NBAS: variants seen among roughly 807,000 people sequenced by gnomAD.
NBAS encodes NBAS subunit of NRZ tethering complex.
In NBAS, 219 loss-of-function variants were observed where a neutral mutation model predicts 302.5. The ratio of observed to expected loss-of-function variants is 0.72; its 90% CI spans 0.65 to 0.81. The LOEUF (loss-of-function observed/expected upper bound fraction) is 0.81, where lower values mean the gene tolerates loss of function less well. Among genes scored for constraint, NBAS ranks in the 30% least tolerant of loss-of-function variants. The probability of loss-of-function intolerance (pLI) is 0.00; values close to 1 mark genes in which losing one functional copy is unlikely to be tolerated. For missense variants in NBAS, 2,932 were observed against 2,841.6 expected (o/e 1.03, Z -0.72); for synonymous variants, 1,118 against 1,021.6 (o/e 1.09, Z -1.80).
intron 29 of NBAS, among the ~76,000 whole-genome samples, chr2:15,381,942 T>C (rs554894445): frequency 6.6e-6 from 1 of 152,318 alleles, no homozygotes; most frequent in African/African-American, 2.4e-5. Flanking sequence ...TCTGATTTCA[T>C]CAATGGGTTA....
At chr2:15,031,658 C>G in the NBAS span, among the ~76,000 whole-genome samples, 2 of 152,230 alleles carry the variant, frequency 1.3e-5, no homozygotes, top group Non-Finnish European at 2.9e-5. Context: ...ATGAAGAGAG[C>G]TTTTCCCCCA....
At chr2:15,204,488 T>C (rs1209311119) in intron 48 of NBAS, among the ~76,000 whole-genome samples, 2 of 152,270 alleles carry the variant, frequency 1.3e-5, no homozygotes, top group Admixed American at 1.3e-4. Context: ...GAATAAACTC[T>C]GTGAGACTGG....
chr2:14,822,993 C>T, the NBAS span, among the ~76,000 whole-genome samples: 2 of 152,310 alleles, frequency 1.3e-5, no homozygotes, highest in African/African-American at 2.4e-5. Flanking sequence ...GGTTTGAACC[C>T]AAAGTCTGGT....
At chr2:15,250,262 G>A (rs929982631) in intron 44 of NBAS, among the ~76,000 whole-genome samples, 9 of 152,202 alleles carry the variant, frequency 5.9e-5, no homozygotes, top group African/African-American at 4.8e-5. Flanking sequence ...CTAGGCATAT[G>A]CAGAAAGCTG....
At chr2:14,975,665 T>C in the NBAS span, among the ~76,000 whole-genome samples, 29 of 152,290 alleles carry the variant, frequency 1.9e-4, no homozygotes, top group African/African-American at 6.7e-4. Flanking sequence ...CTGAATATCA[T>C]GGGCCAGCTC....
chr2:14,795,502 C>T, the NBAS span, among the ~76,000 whole-genome samples: 2 of 146,144 alleles, frequency 1.4e-5, no homozygotes, highest in African/African-American at 2.8e-5. Context: ...GGATACAAGC[C>T]CTTTATCAGA....
intron 28 of NBAS, among the ~76,000 whole-genome samples, chr2:15,391,142 T>C (rs1675578262): frequency 6.6e-6 from 1 of 151,874 alleles, no homozygotes; most frequent in Admixed American, 6.6e-5. Context: ...TTGAAAGACA[T>C]GAAAAATATG....
chr2:15,070,596 T>A, the NBAS span, among the ~76,000 whole-genome samples: 6 of 151,922 alleles, frequency 3.9e-5, no homozygotes, highest in Non-Finnish European at 8.8e-5. Flanking sequence ...GCTAACACTC[T>A]CCCCTAGCAA....
chr2:15,159,294 C>G, the NBAS span, among the ~76,000 whole-genome samples: 5 of 152,140 alleles, frequency 3.3e-5, no homozygotes, highest in African/African-American at 1.2e-4. Flanking sequence ...TGTCCAGAGC[C>G]CAGAATGTTA....
the NBAS span, among the ~76,000 whole-genome samples, chr2:14,905,754 G>A: frequency 7.2e-5 from 11 of 152,282 alleles, no homozygotes; most frequent in Admixed American, 4.6e-4. Context: ...TGTTCAGGGA[G>A]GTAAGGATAG....
intron 47 of NBAS, 45 bp downstream of exon 47, chr2:15,232,376 TG>T: frequency 6.4e-7 from 1 of 1,563,980 alleles, no homozygotes; most frequent in South Asian, 1.1e-5. Flanking sequence ...TCTAATACTC[TG>T]AGGAAAGCCA....
chr2:15,248,466 C>A (rs1188820668), intron 44 of NBAS, among the ~76,000 whole-genome samples: 1 of 152,042 alleles, frequency 6.6e-6, no homozygotes, highest in Non-Finnish European at 1.5e-5. Context: ...AAGATCAGAG[C>A]AGTACTGAAG....
chr2:14,951,271 G>A, the NBAS span, among the ~76,000 whole-genome samples: 6 of 152,234 alleles, frequency 3.9e-5, no homozygotes, highest in Non-Finnish European at 7.4e-5. Flanking sequence ...ATCCAGAAAC[G>A]GAACAAATCA....
the NBAS span, among the ~76,000 whole-genome samples, chr2:14,818,287 C>T: frequency 4.6e-5 from 7 of 152,196 alleles, no homozygotes; most frequent in Admixed American, 6.5e-5. Flanking sequence ...TTCTGAACCA[C>T]ACTTGTACAT....
intron 44 of NBAS, among the ~76,000 whole-genome samples, chr2:15,262,415 G>T (rs1008291963): frequency 6.6e-6 from 1 of 152,118 alleles, no homozygotes; most frequent in Admixed American, 6.6e-5. Context: ...AATTTTAATT[G>T]TCTTCTTACT....
chr2:14,917,910 T>C, the NBAS span, among the ~76,000 whole-genome samples: 21 of 152,126 alleles, frequency 1.4e-4, no homozygotes, highest in Admixed American at 5.2e-4. Flanking sequence ...TCCCTATCTG[T>C]CCACAAATTT....
chr2:14,957,154 AC>A, the NBAS span, among the ~76,000 whole-genome samples: 2 of 152,118 alleles, frequency 1.3e-5, no homozygotes, highest in African/African-American at 4.8e-5. Context: ...GAAAGAACCA[AC>A]CCTGATGACA....
chr2:15,296,442 C>T (rs1383064096), intron 40 of NBAS, among the ~76,000 whole-genome samples: 1 of 152,026 alleles, frequency 6.6e-6, no homozygotes, highest in Non-Finnish European at 1.5e-5. Flanking sequence ...AGGAGAATCA[C>T]TTTAACCTAG....
chr2:14,984,096 G>C, the NBAS span, among the ~76,000 whole-genome samples: 3 of 152,146 alleles, frequency 2.0e-5, no homozygotes, highest in Non-Finnish European at 4.4e-5. Context: ...AAACTTAAAA[G>C]CATTAGGATT....
Sources: gnomAD v4.1 joint callset for allele counts (sites outside exome capture counted in the v4.1 genomes callset) on GRCh38, gnomAD v4.1.1 for gene constraint, MANE v1.5 for transcripts, NCBI Gene and HGNC (gene_info 2026-07-23, HGNC 2026-07-21) for gene names.